FMNL2: variants seen among roughly 807,000 people sequenced by gnomAD.
FMNL2 encodes the protein formin like 2.
A neutral mutation model predicts 130.2 loss-of-function variants in FMNL2; 51 were observed. The observed-to-expected ratio is 0.39, with a 90% CI of 0.31 to 0.49. FMNL2 has a LOEUF of 0.49. FMNL2 is among the 20% of genes least tolerant of loss of function. FMNL2 has a pLI of 0.85. For synonymous variants in FMNL2, 465 were observed against 467.1 expected, an observed-to-expected ratio of 1.00 and a Z score of 0.06; for missense variants, 977 against 1,316.2, an observed-to-expected ratio of 0.74 and a Z score of 3.99.
intron 8 of FMNL2, 31 bp from the exon 9 acceptor site, chr2:152,580,923 TGA>T (rs1696743981): frequency 6.3e-7 from 1 of 1,591,222 alleles, no homozygotes; most frequent in Non-Finnish European, 8.6e-7. Context: ...CCATTTTCAC[TGA>T]TTTGTGTTTT....
chr2:152,548,961 AAGCTTC>A, intron 3 of FMNL2, 54 bp from the exon 4 acceptor site: 1 of 1,268,180 alleles, frequency 7.9e-7, no homozygotes, highest in Non-Finnish European at 1.1e-6. Flanking sequence ...TATTATAACT[AAGCTTC>A]AGTTATAGCA....
chr2:152,480,023 T>C (rs1389978452), intron 1 of FMNL2, among the ~76,000 whole-genome samples: 1 of 152,210 alleles, frequency 6.6e-6, no homozygotes, highest in Non-Finnish European at 1.5e-5. Context: ...TGCAAGCATA[T>C]ACTTAAATGG....
Position 152,356,364 on chromosome 2 carries a change from T to A in FMNL2, c.117+20644T>A, listed in dbSNP as rs555676201. Among the ~76,000 whole-genome samples, 15 of 152,264 alleles carry A rather than the reference T, an allele frequency of 9.9e-5. No homozygotes were observed. In the South Asian group the frequency reaches 1.7e-3, roughly 17 times the overall value. On this transcript the variant is annotated intron_variant, in intron 1 of 25. Coordinates refer to ENST00000288670, the MANE Select transcript of FMNL2 (RefSeq NM_052905.4). ...GTCTCGAACTCCTGACCTCAAGTGA[T>A]CCACCCACCTCAGCCTCCCAAAGTG...
At chr2:152,646,180 A>G (rs1291069472) in intron 25 of FMNL2, among the ~76,000 whole-genome samples, 2 of 151,852 alleles carry the variant, frequency 1.3e-5, no homozygotes, top group Admixed American at 6.6e-5. Context: ...ACAAACAAAC[A>G]AAGTTAGCCA....
At chr2:152,367,181 T>C (rs1270680769) in intron 1 of FMNL2, among the ~76,000 whole-genome samples, 1 of 151,016 alleles carries the variant, frequency 6.6e-6, no homozygotes, top group Non-Finnish European at 1.5e-5. Flanking sequence ...GTTCAAGCAA[T>C]TCTCCTACCT....
At chr2:152,423,230 A>G (rs867103054) in intron 1 of FMNL2, among the ~76,000 whole-genome samples, 2 of 152,236 alleles carry the variant, frequency 1.3e-5, no homozygotes, top group Non-Finnish European at 2.9e-5. Flanking sequence ...AGCACTCACC[A>G]TATGTCAGGC....
At chr2:152,523,393 CAT>C (rs1354629164) in intron 2 of FMNL2, among the ~76,000 whole-genome samples, 3 of 152,138 alleles carry the variant, frequency 2.0e-5, no homozygotes, top group Non-Finnish European at 2.9e-5. Context: ...ACTTCAATGA[CAT>C]GTGTTTTACC....
At chr2:152,488,363 T>G (rs543899650) in intron 1 of FMNL2, among the ~76,000 whole-genome samples, 24 of 152,344 alleles carry the variant, frequency 1.6e-4, no homozygotes, top group African/African-American at 5.8e-4. Flanking sequence ...CAAATAAGCT[T>G]TTTAGCTACT....
chr2:152,488,580 G>T (rs1278969912), intron 1 of FMNL2, among the ~76,000 whole-genome samples: 1 of 152,156 alleles, frequency 6.6e-6, no homozygotes, highest in Non-Finnish European at 1.5e-5. Context: ...GATCCAGATT[G>T]CATATCTATA....
intron 1 of FMNL2, among the ~76,000 whole-genome samples, chr2:152,476,149 G>A (rs1690140214): frequency 6.6e-6 from 1 of 152,150 alleles, no homozygotes; most frequent in Non-Finnish European, 1.5e-5. Context: ...GAGGAGCCTT[G>A]GATGATGTCA....
chr2:152,575,069 T>G, intron 6 of FMNL2, 67 bp from the exon 7 acceptor site: 1 of 890,072 alleles, frequency 1.1e-6, no homozygotes, highest in Non-Finnish European at 1.8e-6. Flanking sequence ...TAGTGTCTGT[T>G]AAGTGCATGT....
intron 25 of FMNL2, among the ~76,000 whole-genome samples, chr2:152,641,952 T>TTTTTTTTG (rs1683117710): frequency 6.6e-6 from 1 of 152,038 alleles, no homozygotes; most frequent in Non-Finnish European, 1.5e-5. Context: ...TCATTTCTTT[T>TTTTTTTTG]TTTTTTTTGA....
chr2:152,361,510 C>T (rs1683174804), intron 1 of FMNL2, among the ~76,000 whole-genome samples: 1 of 152,070 alleles, frequency 6.6e-6, no homozygotes, highest in Admixed American at 6.6e-5. Flanking sequence ...ACTTCAGTGG[C>T]AAAATAATAT....
chr2:152,601,592 C>T (rs1342306429), intron 9 of FMNL2, among the ~76,000 whole-genome samples: 5 of 151,586 alleles, frequency 3.3e-5, no homozygotes, highest in Non-Finnish European at 7.4e-5. Context: ...TGAGCCACCG[C>T]GCCGGCCGAT....
chr2:152,612,397 G>A (rs900570248), intron 11 of FMNL2, among the ~76,000 whole-genome samples: 9 of 152,104 alleles, frequency 5.9e-5, no homozygotes, highest in Middle Eastern at 3.2e-3. Flanking sequence ...GTATGTGCCC[G>A]TGGCCCCAGC....
At chr2:152,386,314 G>A (rs1684778920) in intron 1 of FMNL2, among the ~76,000 whole-genome samples, 1 of 152,182 alleles carries the variant, frequency 6.6e-6, no homozygotes, top group South Asian at 2.1e-4. Flanking sequence ...CTGTAAGTGG[G>A]AGTGTGGTCC....
chr2:152,402,149 G>A (rs1408486073), intron 1 of FMNL2, among the ~76,000 whole-genome samples: 6 of 151,930 alleles, frequency 3.9e-5, no homozygotes, highest in South Asian at 2.1e-4. Context: ...TGATCCGCCC[G>A]CCTTGGCCTC....
In FMNL2 at chr2:152,369,409, C is replaced by T. The variant is rs115941940; in HGVS notation, c.117+33689C>T. On this transcript the variant is annotated intron_variant, in intron 1 of 25. Transcript: ENST00000288670. ...ATAAAACTTGGGCAAGTGCTTGCTA[C>T]GCAGTTAAATTACAGTCTATTGACC... Among the ~76,000 whole-genome samples the T allele has an allele frequency of 7.1e-3, 1,088 of 152,320 alleles. 10 individuals carry two copies. The highest frequency in any genetic ancestry group is 0.024 in the African/African-American group (1,007 of 41,568).
At chr2:152,516,209 A>G (rs1279317860) in intron 1 of FMNL2, among the ~76,000 whole-genome samples, 1 of 152,152 alleles carries the variant, frequency 6.6e-6, no homozygotes, top group Non-Finnish European at 1.5e-5. Flanking sequence ...AAAGTTCTAG[A>G]GATCCGTTGC....
Sources: gnomAD v4.1 joint callset for allele counts (sites outside exome capture counted in the v4.1 genomes callset) on GRCh38, gnomAD v4.1.1 for gene constraint, MANE v1.5 for transcripts, NCBI Gene and HGNC (gene_info 2026-07-23, HGNC 2026-07-21) for gene names.